Variants in SUFU observed in about 807,000 individuals in gnomAD.
The protein encoded by SUFU is SUFU negative regulator of hedgehog signaling, also known as suppressor of fused homolog.
Under a neutral mutation model 58.9 loss-of-function variants are expected in SUFU, and 7 were observed. The observed-to-expected ratio is 0.12, with a 90% CI of 0.07 to 0.22. The LOEUF (loss-of-function observed/expected upper bound fraction) is 0.22. Among genes scored for constraint, SUFU ranks in the 10% least tolerant of loss-of-function variants. The pLI is 1.00. For missense variants in SUFU, 451 were observed against 641.3 expected (o/e 0.70, Z 3.20); for synonymous variants, 232 against 254.8 (o/e 0.91, Z 0.85).
At chr10:102,542,941 C>CTAACA (rs1274886837) in intron 2 of SUFU, among the ~76,000 whole-genome samples, 1 of 152,100 alleles carries the variant, frequency 6.6e-6, no homozygotes, top group African/African-American at 2.4e-5. Context: ...GCTTTTTTCG[C>CTAACA]CTAACAGTGT....
chr10:102,603,721 T>TAC (rs961370085), intron 8 of SUFU, among the ~76,000 whole-genome samples: 85 of 152,102 alleles, frequency 5.6e-4, no homozygotes, highest in Admixed American at 3.9e-3. Flanking sequence ...CTCCCCAACA[T>TAC]ACACACACAC....
At chr10:102,562,551 G>A (rs1163818026) in intron 3 of SUFU, among the ~76,000 whole-genome samples, 6 of 150,976 alleles carry the variant, frequency 4.0e-5, no homozygotes, top group African/African-American at 1.5e-4. Flanking sequence ...AACAACAACA[G>A]CAACAACAAA....
chr10:102,576,750 C>T (rs979809673), intron 3 of SUFU, among the ~76,000 whole-genome samples: 8 of 152,146 alleles, frequency 5.3e-5, no homozygotes, highest in African/African-American at 1.9e-4. Context: ...CTCTGTTGCC[C>T]AGGTTGGAGT....
intron 2 of SUFU, among the ~76,000 whole-genome samples, chr10:102,538,272 C>A (rs955934477): frequency 6.6e-6 from 1 of 152,040 alleles, no homozygotes; most frequent in Non-Finnish European, 1.5e-5. Context: ...CATATAATAC[C>A]GCTACTTGTA....
intron 3 of SUFU, among the ~76,000 whole-genome samples, chr10:102,560,443 T>C (rs779771094): frequency 9.9e-5 from 15 of 151,970 alleles, no homozygotes; most frequent in Non-Finnish European, 1.6e-4. Context: ...GGTGTGGTGG[T>C]ACATGCCTGT....
intron 3 of SUFU, among the ~76,000 whole-genome samples, chr10:102,583,699 T>C (rs2063307114): frequency 6.6e-6 from 1 of 152,146 alleles, no homozygotes; most frequent in Non-Finnish European, 1.5e-5. Flanking sequence ...ATGTTTCTTT[T>C]TCTTTTTTCT....
rs1175563323 is a variant in SUFU at position 102,567,006 on chromosome 10, C to CT, written c.454+16923dup. On this transcript the variant is annotated intron_variant, in intron 3 of 11. Transcript: ENST00000369902. Reference sequence around the variant, plus strand: ...ATTGCAAAAGAAAAGGAAACAGGCTCTTTTTTTTTTTTTTTTTTTTTTTGA... The same window carrying CT: ...ATTGCAAAAGAAAAGGAAACAGGCTCTTTTTTTTTTTTTTTTTTTTTTTTGA... Among the ~76,000 whole-genome samples the CT allele has an allele frequency of 7.0e-3, 452 of 64,620 alleles. 102 individuals carry two copies. The highest frequency in any genetic ancestry group is 0.024 in the African/African-American group (382 of 15,992). The allele number at this position is 64,620 out of a possible 152,430, so 42.4% of individuals were successfully genotyped here. A position where few individuals can be genotyped will look rare whatever the true frequency, so the allele number is the denominator to read the frequency against.
At chr10:102,592,476 T>G (rs1278625769) in intron 3 of SUFU, 106 bp from the exon 4 acceptor site, 3 of 1,337,582 alleles carry the variant, frequency 2.2e-6, no homozygotes, top group East Asian at 2.3e-5. Context: ...GGGGCTACCC[T>G]AAGAGGCTGG....
intron 5 of SUFU, 133 bp downstream of exon 5, chr10:102,593,854 G>T: frequency 7.3e-7 from 1 of 1,362,060 alleles, no homozygotes; most frequent in South Asian, 1.2e-5. Flanking sequence ...GCTTCCTGAC[G>T]ACTCACTCCC....
chr10:102,506,621 A>T (rs1204182966), intron 1 of SUFU, among the ~76,000 whole-genome samples: 1 of 152,100 alleles, frequency 6.6e-6, no homozygotes, highest in African/African-American at 2.4e-5. Context: ...TCAAGTGATC[A>T]ACCCACCTCG....
intron 2 of SUFU, among the ~76,000 whole-genome samples, chr10:102,546,719 C>T (rs945872510): frequency 2.6e-5 from 4 of 152,208 alleles, no homozygotes; most frequent in Non-Finnish European, 4.4e-5. Flanking sequence ...GACTTCAGGT[C>T]GTGTGTTTAT....
intron 2 of SUFU, among the ~76,000 whole-genome samples, chr10:102,538,738 G>T (rs2062768716): frequency 6.6e-6 from 1 of 152,014 alleles, no homozygotes; most frequent in South Asian, 2.1e-4. Context: ...ACCACCCAAA[G>T]TTCATAGTTT....
chr10:102,609,197 C>T (rs780373159), intron 8 of SUFU, among the ~76,000 whole-genome samples: 93 of 152,124 alleles, frequency 6.1e-4, no homozygotes, highest in Non-Finnish European at 1.1e-3. Flanking sequence ...AAAATAATGC[C>T]TCTTTATAGA....
At chr10:102,557,121 T>G (rs2062989610) in intron 3 of SUFU, among the ~76,000 whole-genome samples, 1 of 151,706 alleles carries the variant, frequency 6.6e-6, no homozygotes, top group East Asian at 1.9e-4. Context: ...TATGCACTTG[T>G]GGTCTCAGCT....
intron 2 of SUFU, among the ~76,000 whole-genome samples, chr10:102,515,725 A>C (rs1050250550): frequency 2.0e-5 from 3 of 152,064 alleles, no homozygotes; most frequent in African/African-American, 7.2e-5. Context: ...CTCCTCCTAG[A>C]GCTCTCATGA....
At chr10:102,623,464 G>A (rs571670021) in intron 10 of SUFU, among the ~76,000 whole-genome samples, 2 of 152,348 alleles carry the variant, frequency 1.3e-5, no homozygotes, top group Admixed American at 6.5e-5. Flanking sequence ...TGTGTGGCTG[G>A]TGGAGGTTGG....
At chr10:102,621,040 C>T (rs1167042917) in intron 10 of SUFU, among the ~76,000 whole-genome samples, 1 of 152,212 alleles carries the variant, frequency 6.6e-6, no homozygotes, top group African/African-American at 2.4e-5. Context: ...AGAAGACGCC[C>T]AGCAGCTGTT....
intron 8 of SUFU, among the ~76,000 whole-genome samples, chr10:102,610,443 A>G (rs1031290761): frequency 6.6e-6 from 1 of 152,064 alleles, no homozygotes; most frequent in East Asian, 1.9e-4. Context: ...CAAGTAGACA[A>G]AGGAAGTGCT....
chr10:102,557,735 A>C (rs1349189961), intron 3 of SUFU, among the ~76,000 whole-genome samples: 1 of 152,108 alleles, frequency 6.6e-6, no homozygotes, highest in Non-Finnish European at 1.5e-5. Flanking sequence ...CTGGGCTATG[A>C]CTATAGCTAT....
Sources: allele counts gnomAD v4.1 joint callset (sites outside exome capture counted in the v4.1 genomes callset), GRCh38; gene constraint gnomAD v4.1.1; transcripts MANE v1.5; gene names NCBI Gene and HGNC (gene_info 2026-07-23, HGNC 2026-07-21).